The following STIM1 variants were observed in gnomAD, a reference collection of about 807,000 sequenced individuals.
STIM1 encodes stromal interaction molecule 1.
STIM1 carries 25 observed loss-of-function variants against 74.7 expected under a neutral mutation model. The observed-to-expected ratio is 0.33, with a 90% confidence interval of 0.24 to 0.47. The LOEUF (loss-of-function observed/expected upper bound fraction) is 0.47. Ranked by LOEUF, STIM1 falls within the 20% of genes least tolerant of loss-of-function variation. The pLI, the probability that STIM1 is intolerant of heterozygous loss-of-function variation, is 1.00. For synonymous variants in STIM1, 328 were observed against 348.8 expected (o/e 0.94, Z 0.66); for missense variants, 728 against 920.8 (o/e 0.79, Z 2.71).
At chr11:4,069,809 CT>C (rs1048419736) in intron 5 of STIM1, among the ~76,000 whole-genome samples, 14 of 152,306 alleles carry the variant, frequency 9.2e-5, no homozygotes, top group African/African-American at 3.1e-4. Context: ...TGTAAGGCCT[CT>C]CATTTCAAAA....
intron 2 of STIM1, among the ~76,000 whole-genome samples, chr11:3,981,501 G>A (rs938394269): frequency 5.3e-5 from 8 of 152,186 alleles, no homozygotes; most frequent in Non-Finnish European, 1.2e-4. Context: ...CGAAAACAAA[G>A]ATACTATCTT....
At chr11:4,022,509 T>A (rs1184691466) in intron 2 of STIM1, among the ~76,000 whole-genome samples, 1 of 152,136 alleles carries the variant, frequency 6.6e-6, no homozygotes, top group African/African-American at 2.4e-5. Flanking sequence ...ATTACTGTGT[T>A]GAATAATAGC....
chr11:3,983,159 C>G (rs1415802029), intron 2 of STIM1, among the ~76,000 whole-genome samples: 4 of 152,176 alleles, frequency 2.6e-5, no homozygotes, highest in African/African-American at 9.7e-5. Context: ...GTCTCCAACT[C>G]CTGGTTTCCA....
chr11:4,023,677 T>C lies in STIM1; in HGVS notation c.271-196T>C, dbSNP rs1403392719. Among the ~76,000 whole-genome samples the C allele has an allele frequency of 2.0e-5, 3 of 152,170 alleles. No individual in the cohort carries two copies. The East Asian group carries it at 5.8e-4, about 29-fold the overall frequency. Reference sequence around the variant, plus strand: ...TTATATATATTTTTCAAGTGAGACATGTAACAAAGAGGAAGTGATAGTTTA... The same window carrying C: ...TTATATATATTTTTCAAGTGAGACACGTAACAAAGAGGAAGTGATAGTTTA... On this transcript the variant is annotated intron_variant, in intron 2 of 12. Transcript: ENST00000526596.
chr11:3,861,791 C>T (rs1270353746), intron 1 of STIM1, among the ~76,000 whole-genome samples: 1 of 152,142 alleles, frequency 6.6e-6, no homozygotes, highest in African/African-American at 2.4e-5. Flanking sequence ...TCTATGGGCC[C>T]CTTAGGGATA....
intron 1 of STIM1, among the ~76,000 whole-genome samples, chr11:3,966,805 T>C (rs561976222): frequency 5.9e-5 from 9 of 152,314 alleles, no homozygotes; most frequent in African/African-American, 2.2e-4. Context: ...TTTCCAGGCT[T>C]GTAAGAGAGG....
At position 4,091,458 on chromosome 11, in the gene STIM1, C is replaced by T; in HGVS notation, c.1811C>T (p.Pro604Leu). 6.2e-7 allele frequency: 1 copy of T among 1,614,224 alleles called. No homozygotes were observed. Among genetic ancestry groups the T allele is most frequent in the Non-Finnish European group, 8.5e-7 (1 of 1,180,032 alleles). ...VHPGSLVEKL[P>L]DSPALAKKAL... ...CCAGGGTCTCTGGTGGAGAAACTGC[C>T]TGACAGCCCTGCCCTGGCCAAGAAG... is the stretch of plus-strand genomic sequence containing the variant. The change falls in exon 13 of 13, where the codon CCT (proline) becomes CTT (leucine). Residue 604 changes from proline to leucine, a missense_variant. This residue lies in a region of STIM1 where 352 missense variants were observed against 370.1 expected (regional missense o/e 0.95). Coordinates refer to ENST00000526596, the MANE Select transcript of STIM1 (RefSeq NM_001382567.1).
chr11:4,051,718 C>T (rs1279883711), intron 3 of STIM1, among the ~76,000 whole-genome samples: 1 of 152,076 alleles, frequency 6.6e-6, no homozygotes, highest in African/African-American at 2.4e-5. Context: ...GTGATCATGG[C>T]TCTCTGCAGG....
chr11:4,066,811 A>G (rs1237292726), intron 5 of STIM1, among the ~76,000 whole-genome samples: 1 of 152,252 alleles, frequency 6.6e-6, no homozygotes, highest in African/African-American at 2.4e-5. Flanking sequence ...TTTGTGGGCA[A>G]TGGTAGGGAG....
chr11:3,948,351 ATCTTT>A (rs1207263272), intron 1 of STIM1, among the ~76,000 whole-genome samples: 1 of 152,114 alleles, frequency 6.6e-6, no homozygotes, highest in Non-Finnish European at 1.5e-5. Context: ...CAAGGGGCTT[ATCTTT>A]TCTTTTTTTA....
chr11:3,914,173 T>C (rs1425909548), intron 1 of STIM1, among the ~76,000 whole-genome samples: 1 of 152,232 alleles, frequency 6.6e-6, no homozygotes, highest in African/African-American at 2.4e-5. Flanking sequence ...GTCTACTTTT[T>C]GTCTTCGTGA....
rs201359969 is a variant in STIM1, at chr11:4,059,371, T to C, written c.588T>C (p.Asp196=). 8.1e-6 allele frequency: 13 copies of C among 1,614,112 alleles called. No individual in the cohort carries two copies. In the South Asian group the frequency reaches 1.3e-4, roughly 16 times the overall value. Reference sequence around the variant, plus strand: ...AGAAGCTGCAGCTGAAGGCTCTGGATACAGTGCTCTTTGGGCCTCCTCTCT... The same window carrying C: ...AGAAGCTGCAGCTGAAGGCTCTGGACACAGTGCTCTTTGGGCCTCCTCTCT... ...HRQKLQLKAL[D]TVLFGPPLLT... is the part of the protein sequence containing the mutation. Residue 196 remains aspartate (D), a synonymous_variant, in exon 5 of 13, where the codon GAT becomes GAC. Coordinates refer to ENST00000526596, the MANE Select transcript of STIM1 (RefSeq NM_001382567.1).
chr11:4,014,000 C>T (rs2093869825), intron 2 of STIM1, among the ~76,000 whole-genome samples: 1 of 151,680 alleles, frequency 6.6e-6, no homozygotes, highest in South Asian at 2.1e-4. Flanking sequence ...AGCCACCACG[C>T]CTGGCTGATT....
intron 1 of STIM1, among the ~76,000 whole-genome samples, chr11:3,918,665 CAGG>C (rs1202998252): frequency 6.6e-6 from 1 of 152,060 alleles, no homozygotes; most frequent in Non-Finnish European, 1.5e-5. Flanking sequence ...TCACTGTGGC[CAGG>C]AGAATACTGG....
intron 1 of STIM1, among the ~76,000 whole-genome samples, chr11:3,857,739 T>C (rs921022097): frequency 2.6e-5 from 4 of 152,116 alleles, no homozygotes; most frequent in African/African-American, 7.2e-5. Context: ...AAAGGAAATA[T>C]AGGTCATGGT....
At chr11:3,878,828 G>A (rs935925881) in intron 1 of STIM1, among the ~76,000 whole-genome samples, 2 of 152,100 alleles carry the variant, frequency 1.3e-5, no homozygotes, top group Non-Finnish European at 2.9e-5. Flanking sequence ...TGCTAGCTGC[G>A]TCCTGCCCCA....
intron 2 of STIM1, among the ~76,000 whole-genome samples, chr11:4,002,225 C>G (rs1461699561): frequency 1.3e-5 from 2 of 151,102 alleles, no homozygotes; most frequent in African/African-American, 4.9e-5. Context: ...CTCAGCTCTG[C>G]ACCAAGCGGA....
chr11:4,000,917 G>T (rs1413731511), intron 2 of STIM1, among the ~76,000 whole-genome samples: 21 of 152,094 alleles, frequency 1.4e-4, no homozygotes, highest in Admixed American at 1.4e-3. Flanking sequence ...GAAAGCCAAG[G>T]CTCGAGAACT....
At chr11:4,028,916 G>A (rs2094022916) in intron 3 of STIM1, among the ~76,000 whole-genome samples, 1 of 151,976 alleles carries the variant, frequency 6.6e-6, no homozygotes, top group African/African-American at 2.4e-5. Context: ...GACTGGGCGT[G>A]GTGGCTCACG....
Sources: allele counts gnomAD v4.1 joint callset (sites outside exome capture counted in the v4.1 genomes callset), GRCh38; gene constraint gnomAD v4.1.1; regional missense constraint gnomAD v4.1.1; transcripts MANE v1.5; gene names NCBI Gene and HGNC (gene_info 2026-07-23, HGNC 2026-07-21).